STAU2: variants seen among roughly 807,000 people sequenced by gnomAD.
STAU2 encodes the protein staufen double-stranded RNA binding protein 2.
Under a neutral mutation model 65.9 loss-of-function variants are expected in STAU2, and 20 were observed. That is an observed-to-expected ratio of 0.30 (90% CI 0.21 to 0.44). STAU2 has a LOEUF of 0.44. Among genes scored for constraint, STAU2 ranks in the 20% least tolerant of loss-of-function variants. The pLI is 1.00. For missense variants in STAU2, 558 were observed against 683.9 expected, an observed-to-expected ratio of 0.82 and a Z score of 2.05; for synonymous variants, 232 against 233.9, an observed-to-expected ratio of 0.99 and a Z score of 0.07.
chr8:73,735,407 G>C (rs1233084382), intron 3 of STAU2, among the ~76,000 whole-genome samples: 1 of 152,042 alleles, frequency 6.6e-6, no homozygotes, highest in African/African-American at 2.4e-5. Flanking sequence ...ACAAGAAGGG[G>C]GGGTCTCTTA....
At position 73,741,836 on chromosome 8, in the gene STAU2, G is replaced by A. The variant is rs564567559; in HGVS notation, c.-196-1968C>T. Among the ~76,000 whole-genome samples, 7 of 152,108 alleles carry A rather than the reference G, an allele frequency of 4.6e-5. No homozygotes were observed. In the South Asian group the frequency reaches 1.0e-3, roughly 23 times the overall value. Reference sequence around the variant, plus strand: ...CCCGAAACTTCTAGTCTTCTGACACGGAAAAGATATTCCATGAAGTAACAA... The same window carrying A: ...CCCGAAACTTCTAGTCTTCTGACACAGAAAAGATATTCCATGAAGTAACAA... On this transcript the variant is annotated intron_variant, in intron 1 of 14. Transcript: ENST00000524300.
At chr8:73,687,847 G>A (rs1277373783) in intron 5 of STAU2, among the ~76,000 whole-genome samples, 1 of 151,766 alleles carries the variant, frequency 6.6e-6, no homozygotes, top group Non-Finnish European at 1.5e-5. Flanking sequence ...GAGTAGCTGG[G>A]ACTACAGGCA....
chr8:73,442,247 G>A (rs1333706519), intron 13 of STAU2, among the ~76,000 whole-genome samples: 1 of 151,690 alleles, frequency 6.6e-6, no homozygotes, highest in African/African-American at 2.4e-5. Flanking sequence ...TCAGCTACTC[G>A]GGAGGCTGAG....
chr8:73,487,598 C>G (rs1820981316), intron 13 of STAU2, among the ~76,000 whole-genome samples: 1 of 152,080 alleles, frequency 6.6e-6, no homozygotes, highest in African/African-American at 2.4e-5. Context: ...CTGCTGCACT[C>G]TGCAATTTGA....
At chr8:73,643,643 G>A (rs1815154869) in intron 6 of STAU2, among the ~76,000 whole-genome samples, 1 of 152,094 alleles carries the variant, frequency 6.6e-6, no homozygotes, top group South Asian at 2.1e-4. Context: ...CCATATACCT[G>A]TACTTTTATA....
intron 13 of STAU2, among the ~76,000 whole-genome samples, chr8:73,466,226 G>A (rs777289419): frequency 1.3e-5 from 2 of 152,170 alleles, no homozygotes; most frequent in Admixed American, 6.5e-5. Context: ...TCTTAGAACT[G>A]GTTTTCTGGG....
intron 3 of STAU2, among the ~76,000 whole-genome samples, chr8:73,713,991 C>T (rs1316276619): frequency 6.6e-6 from 1 of 152,120 alleles, no homozygotes; most frequent in East Asian, 1.9e-4. Flanking sequence ...GCAACCTCCA[C>T]CTCCTGGATT....
chr8:73,482,884 T>A (rs898216325), intron 13 of STAU2, among the ~76,000 whole-genome samples: 1 of 150,430 alleles, frequency 6.6e-6, no homozygotes, highest in Non-Finnish European at 1.5e-5. Flanking sequence ...GGTGTTAAAG[T>A]ACAGATGCTA....
At position 73,647,685 on chromosome 8, in the gene STAU2, C is replaced by T. The variant is rs1815496801; in HGVS notation, c.410+25422G>A. 2.0e-5 allele frequency among the ~76,000 whole-genome samples: 3 copies of T among 151,432 alleles called. No individual in the cohort carries two copies. The South Asian group carries it at 6.3e-4, about 32-fold the overall frequency. ...CCTCAAATTCCTGGTATCAAGCAAC[C>T]CTCCCACCTCAGCCTCCCAAGTAGC... On this transcript the variant is annotated intron_variant, in intron 6 of 14. Coordinates refer to ENST00000524300, the MANE Select transcript of STAU2 (RefSeq NM_001164380.2).
At chr8:73,545,636 T>C (rs780484597) in intron 13 of STAU2, among the ~76,000 whole-genome samples, 77 of 85,168 alleles carry the variant, frequency 9.0e-4, no homozygotes, top group Non-Finnish European at 1.3e-3. Flanking sequence ...GTCAGAATTC[T>C]TTTTTTTTTT....
chr8:73,443,916 A>C (rs1818331065), intron 13 of STAU2, among the ~76,000 whole-genome samples: 1 of 151,928 alleles, frequency 6.6e-6, no homozygotes, highest in South Asian at 2.1e-4. Context: ...GCTAACTGCT[A>C]AACAAACACT....
chr8:73,583,099 A>T (rs1810110611), intron 11 of STAU2, among the ~76,000 whole-genome samples: 1 of 151,996 alleles, frequency 6.6e-6, no homozygotes, highest in South Asian at 2.1e-4. Context: ...AATATTCAAT[A>T]TATGTATTAT....
upstream of STAU2, chr8:73,746,971 G>C: frequency 3.0e-6 from 2 of 673,572 alleles, no homozygotes; most frequent in Non-Finnish European, 3.7e-6. Flanking sequence ...CGCCTGCGCA[G>C]CCGCTCCCGC....
chr8:73,472,788 C>T (rs1563612878), intron 13 of STAU2, among the ~76,000 whole-genome samples: 1 of 151,810 alleles, frequency 6.6e-6, no homozygotes, highest in Non-Finnish European at 1.5e-5. Flanking sequence ...GAAACACAAC[C>T]CACCTTCGGC....
At position 73,617,372 on chromosome 8, in the gene STAU2, G is replaced by C. The variant is rs201210593; in HGVS notation, c.490C>G (p.Arg164Gly). ...NNEFFGEGKT[R>G]QAARHNAAMK... ...GCAGCATTGTGTCTAGCAGCTTGTC[G>C]AGTCTTTCCTTCCCCAAAAAATTCA... The change falls in exon 7 of 15, where the codon CGA becomes GGA. Residue 164 changes from arginine (R) to glycine (G), a missense_variant. By Grantham distance (125) the Arg-to-Gly change is moderately radical (BLOSUM62 -2). Coordinates refer to ENST00000524300, the MANE Select transcript of STAU2 (RefSeq NM_001164380.2). The C allele has an allele frequency of 6.2e-7, 1 of 1,613,908 alleles. No homozygotes were observed. The highest frequency in any genetic ancestry group is 1.3e-5 in the African/African-American group (1 of 74,868).
chr8:73,746,245 C>G (rs1442714970), intron 1 of STAU2, among the ~76,000 whole-genome samples: 1 of 152,022 alleles, frequency 6.6e-6, no homozygotes, highest in African/African-American at 2.4e-5. Flanking sequence ...CGCGCCCCGG[C>G]CCCGCCGCTC....
intron 6 of STAU2, among the ~76,000 whole-genome samples, chr8:73,620,504 T>C (rs1420216579): frequency 1.3e-5 from 2 of 152,174 alleles, no homozygotes; most frequent in East Asian, 1.9e-4. Flanking sequence ...TGGAATATGA[T>C]GTCATAACAC....
chr8:73,446,919 C>T (rs942013580), intron 13 of STAU2, among the ~76,000 whole-genome samples: 6 of 152,122 alleles, frequency 3.9e-5, no homozygotes, highest in African/African-American at 1.4e-4. Context: ...GTGTGGTGTG[C>T]ATCTTATTTG....
chr8:73,499,758 T>C (rs557994156), intron 13 of STAU2, among the ~76,000 whole-genome samples: 1 of 151,620 alleles, frequency 6.6e-6, no homozygotes, highest in African/African-American at 2.4e-5. Context: ...AGGGAGACAT[T>C]TGTAAGTTGA....
Sources: allele counts gnomAD v4.1 joint callset (sites outside exome capture counted in the v4.1 genomes callset), GRCh38; gene constraint gnomAD v4.1.1; transcripts MANE v1.5; gene names NCBI Gene and HGNC (gene_info 2026-07-23, HGNC 2026-07-21).